ELFN2: variants seen among roughly 807,000 people sequenced by gnomAD.
The protein encoded by ELFN2 is extracellular leucine rich repeat and fibronectin type III domain containing 2.
ELFN2 carries 17 observed loss-of-function variants against 45.5 expected under a neutral mutation model. That is an observed-to-expected ratio of 0.37 (90% confidence interval 0.26 to 0.56). ELFN2 has a LOEUF of 0.56. Among genes scored for constraint, ELFN2 ranks in the 20% least tolerant of loss-of-function variants. The pLI is 0.77. For synonymous variants in ELFN2, 550 were observed against 551.5 expected (o/e 1.00, Z 0.04); for missense variants, 922 against 1,183.2 (o/e 0.78, Z 3.24).
chr22:37,414,931 A>T (rs1322716863), intron 2 of ELFN2, among the ~76,000 whole-genome samples: 1 of 152,204 alleles, frequency 6.6e-6, no homozygotes, highest in African/African-American at 2.4e-5. Context: ...TGCCACCTGG[A>T]GCACCTCCCA....
chr22:37,415,402 G>A (rs965628604), intron 2 of ELFN2, among the ~76,000 whole-genome samples: 1 of 152,234 alleles, frequency 6.6e-6, no homozygotes, highest in Non-Finnish European at 1.5e-5. Flanking sequence ...CTCGCCTGAT[G>A]AAAGTGCACA....
intron 2 of ELFN2, among the ~76,000 whole-genome samples, chr22:37,377,399 G>C (rs1057481081): frequency 6.6e-6 from 1 of 152,208 alleles, no homozygotes; most frequent in African/African-American, 2.4e-5. Context: ...TTTGGACACA[G>C]AAAGCCAGAG....
chr22:37,415,439 G>C (rs1288200792), intron 2 of ELFN2, among the ~76,000 whole-genome samples: 1 of 152,172 alleles, frequency 6.6e-6, no homozygotes, highest in Non-Finnish European at 1.5e-5. Context: ...GGCAGGAGAG[G>C]AGCACCAGAG....
At chr22:37,390,367 G>A (rs532432283) in intron 2 of ELFN2, among the ~76,000 whole-genome samples, 18 of 152,336 alleles carry the variant, frequency 1.2e-4, no homozygotes, top group Admixed American at 3.3e-4. Context: ...CTGTACACAC[G>A]GCCTCCCTGC....
At chr22:37,350,537 T>C (rs114817351) in intron 1 of ELFN2, among the ~76,000 whole-genome samples, 2,609 of 150,560 alleles carry the variant, frequency 0.017, 105 homozygotes, top group African/African-American at 0.06. Context: ...CTATCCCCTC[T>C]TTCCCTGCCT....
intron 2 of ELFN2, among the ~76,000 whole-genome samples, chr22:37,406,248 G>A (rs1404282890): frequency 2.0e-5 from 3 of 152,234 alleles, no homozygotes; most frequent in Admixed American, 1.3e-4. Flanking sequence ...GTCCAGTCCA[G>A]TGATGGCACA....
chr22:37,390,649 G>A (rs1015357951), intron 2 of ELFN2, among the ~76,000 whole-genome samples: 1 of 152,190 alleles, frequency 6.6e-6, no homozygotes, highest in African/African-American at 2.4e-5. Context: ...ATATAGATCA[G>A]TAGAGACTAT....
At chr22:37,388,725 C>T (rs1280084917) in intron 2 of ELFN2, among the ~76,000 whole-genome samples, 3 of 152,194 alleles carry the variant, frequency 2.0e-5, no homozygotes, top group African/African-American at 4.8e-5. Flanking sequence ...TGAGTTTGAC[C>T]TTGGACTAGC....
intron 1 of ELFN2, among the ~76,000 whole-genome samples, chr22:37,419,857 C>T (rs1932795715): frequency 6.6e-6 from 1 of 152,200 alleles, no homozygotes; most frequent in Non-Finnish European, 1.5e-5. Flanking sequence ...TCGCCAGCAA[C>T]TCGCCGGGTC....
intron 1 of ELFN2, chr22:37,420,360 C>T (rs1932800914): frequency 2.0e-5 from 3 of 152,508 alleles, no homozygotes; most frequent in Non-Finnish European, 4.4e-5. Context: ...GTGGATGGAC[C>T]ATATCGAGCC....
chr22:37,392,073 T>A (rs1932099155), intron 2 of ELFN2, among the ~76,000 whole-genome samples: 1 of 152,240 alleles, frequency 6.6e-6, no homozygotes, highest in Admixed American at 6.5e-5. Context: ...TCATCTTTGT[T>A]CTTCCTTCTT....
At chr22:37,380,265 G>A (rs73410298) in intron 2 of ELFN2, among the ~76,000 whole-genome samples, 347 of 152,288 alleles carry the variant, frequency 2.3e-3, no homozygotes, top group African/African-American at 8.0e-3. Context: ...CGCAGGCAGC[G>A]GAGGTCAGCA....
chr22:37,422,827 T>G (rs1932818763), intron 1 of ELFN2, among the ~76,000 whole-genome samples: 1 of 151,664 alleles, frequency 6.6e-6, no homozygotes. Context: ...ACTCCTGACC[T>G]CAGGTGATCC....
chr22:37,404,171 T>C (rs936593080), intron 2 of ELFN2, among the ~76,000 whole-genome samples: 2 of 152,168 alleles, frequency 1.3e-5, no homozygotes, highest in African/African-American at 4.8e-5. Flanking sequence ...CTCAAGGTTC[T>C]GGATCTTGGC....
chr22:37,420,272 G>A (rs1932799841), intron 1 of ELFN2: 1 of 149,272 alleles, frequency 6.7e-6, no homozygotes, highest in African/African-American at 2.4e-5. Flanking sequence ...CGGCCCAGCA[G>A]CCATCGCGCA....
intron 1 of ELFN2, among the ~76,000 whole-genome samples, chr22:37,346,414 G>A (rs374514164): frequency 2.4e-4 from 36 of 151,796 alleles, no homozygotes; most frequent in African/African-American, 8.7e-4. Context: ...CCCAACCCAG[G>A]CCCTGGGTGG....
chr22:37,389,846 C>G (rs898662036), intron 2 of ELFN2, among the ~76,000 whole-genome samples: 6 of 152,194 alleles, frequency 3.9e-5, no homozygotes, highest in African/African-American at 1.2e-4. Flanking sequence ...GCATAGTAGG[C>G]ACTCAGTAAA....
intron 2 of ELFN2, among the ~76,000 whole-genome samples, chr22:37,404,801 G>A (rs1015618975): frequency 2.0e-5 from 3 of 152,122 alleles, no homozygotes; most frequent in Non-Finnish European, 2.9e-5. Flanking sequence ...TTCAAAGCCC[G>A]AACCCAACAC....
chr22:37,382,058 G>C (rs1377635772), intron 2 of ELFN2, among the ~76,000 whole-genome samples: 1 of 150,176 alleles, frequency 6.7e-6, no homozygotes, highest in South Asian at 2.1e-4. Flanking sequence ...CACAAAATGT[G>C]CCGAGCCTTC....
Sources: gnomAD v4.1 joint callset for allele counts (sites outside exome capture counted in the v4.1 genomes callset) on GRCh38, gnomAD v4.1.1 for gene constraint, MANE v1.5 for transcripts, NCBI Gene and HGNC (gene_info 2026-07-23, HGNC 2026-07-21) for gene names.